Variants in COL14A1 observed in about 807,000 individuals in gnomAD.
COL14A1 encodes the protein collagen alpha-1(XIV) chain.
COL14A1 carries 136 observed loss-of-function variants against 230.3 expected under a neutral mutation model. The ratio of observed to expected loss-of-function variants is 0.59; its 90% CI spans 0.51 to 0.68. The LOEUF (loss-of-function observed/expected upper bound fraction) is 0.68. Ranked by LOEUF, COL14A1 falls within the 30% of genes least tolerant of loss-of-function variation. COL14A1 has a pLI of 0.00. For synonymous variants in COL14A1, 792 were observed against 784.1 expected (o/e 1.01, Z -0.17); for missense variants, 1,976 against 2,215.8 (o/e 0.89, Z 2.17).
chr8:120,350,918 A>T (rs1822738949), intron 45 of COL14A1, among the ~76,000 whole-genome samples: 1 of 150,514 alleles, frequency 6.6e-6, no homozygotes, highest in Non-Finnish European at 1.5e-5. Flanking sequence ...CTCCACCCCA[A>T]ATCAACAGAA....
chr8:120,168,128 T>A, intron 4 of COL14A1, 33 bp from the exon 5 acceptor site: 1 of 1,413,674 alleles, frequency 7.1e-7, no homozygotes, highest in East Asian at 2.3e-5. Context: ...GATTTTAGTA[T>A]AACATGGTGC....
At chr8:120,291,101 A>G (rs1027036883) in intron 34 of COL14A1, among the ~76,000 whole-genome samples, 3 of 152,182 alleles carry the variant, frequency 2.0e-5, no homozygotes, top group Admixed American at 6.5e-5. Context: ...GTGGCATTTC[A>G]TGATAATTAA....
At chr8:120,228,186 G>T (rs2130808559) in intron 17 of COL14A1, among the ~76,000 whole-genome samples, 1 of 152,280 alleles carries the variant, frequency 6.6e-6, no homozygotes, top group South Asian at 2.1e-4. Context: ...CTGTTGGCAG[G>T]CAGTGTTCCA....
chr8:120,246,365 G>A (rs1382126374), intron 20 of COL14A1, among the ~76,000 whole-genome samples: 1 of 152,162 alleles, frequency 6.6e-6, no homozygotes, highest in East Asian at 1.9e-4. Context: ...GAAAACAGAA[G>A]AGCAGAGCTA....
At chr8:120,298,638 T>TATATATATATAC (rs398009611) in intron 35 of COL14A1, among the ~76,000 whole-genome samples, 23 of 118,914 alleles carry the variant, frequency 1.9e-4, no homozygotes, top group Non-Finnish European at 3.0e-4. Flanking sequence ...TATATATATA[T>TATATATATATAC]ACAAAAATAC....
At chr8:120,132,768 T>A (rs1814573815) in intron 1 of COL14A1, among the ~76,000 whole-genome samples, 1 of 152,176 alleles carries the variant, frequency 6.6e-6, no homozygotes. Flanking sequence ...TTACTAAAAC[T>A]GATTTTTTAT....
intron 26 of COL14A1, among the ~76,000 whole-genome samples, chr8:120,273,823 C>G (rs1205923604): frequency 6.7e-6 from 1 of 148,674 alleles, no homozygotes; most frequent in Non-Finnish European, 1.5e-5. Flanking sequence ...AAAAAAGGCC[C>G]AGGGCCAGAT....
At chr8:120,280,485 A>C in intron 29 of COL14A1, among the ~76,000 whole-genome samples, 1 of 152,192 alleles carries the variant, frequency 6.6e-6, no homozygotes, top group East Asian at 1.9e-4. Flanking sequence ...ACTGATTTTA[A>C]TGAACCCAGG....
chr8:120,270,083 G>A lies in COL14A1; in HGVS notation c.3122G>A (p.Trp1041Ter). 1 of 1,611,528 alleles carries A rather than the reference G, an allele frequency of 6.2e-7. No homozygotes were observed. Among genetic ancestry groups the A allele is most frequent in the East Asian group, 2.2e-5 (1 of 44,818 alleles). The change falls in exon 26 of 48, where the codon TGG (tryptophan) becomes TAG (stop). Residue 1041 changes from tryptophan (W) to a stop codon, truncating the protein, a stop_gained. Transcript: ENST00000297848. LOFTEE classifies it high-confidence loss of function. ...ADLVFMVDGS[W>*]SIGDENFNKI... is the part of the protein sequence containing the mutation. ...CTGGTATTTATGGTGGATGGATCCT[G>A]GAGCATTGGAGATGAAAATTTCAAT...
intron 23 of COL14A1, among the ~76,000 whole-genome samples, chr8:120,257,118 C>A (rs191932175): frequency 1.8e-3 from 271 of 152,282 alleles, no homozygotes; most frequent in Non-Finnish European, 3.1e-3. Context: ...TCTAAAACCA[C>A]AATAAGCTCT....
intron 26 of COL14A1, among the ~76,000 whole-genome samples, chr8:120,272,159 T>C (rs1819687301): frequency 6.6e-6 from 1 of 151,686 alleles, no homozygotes; most frequent in Non-Finnish European, 1.5e-5. Context: ...TTAAACAAAA[T>C]AACTGTCAGC....
intron 4 of COL14A1, among the ~76,000 whole-genome samples, chr8:120,167,685 G>T (rs1563387): frequency 0.37 from 56,962 of 151,914 alleles, 10,918 homozygotes; most frequent in Admixed American, 0.49. Context: ...TCATCTTCTT[G>T]TTTTGCTGTT....
intron 26 of COL14A1, among the ~76,000 whole-genome samples, chr8:120,272,259 A>G (rs575743565): frequency 6.6e-6 from 1 of 151,928 alleles, no homozygotes; most frequent in African/African-American, 2.4e-5. Context: ...AGAATTTGTC[A>G]CTACCAGACC....
chr8:120,245,425 A>G (rs1028228663), intron 20 of COL14A1, among the ~76,000 whole-genome samples: 1 of 152,152 alleles, frequency 6.6e-6, no homozygotes, highest in African/African-American at 2.4e-5. Context: ...AGATGGATTG[A>G]CCATGTTCCT....
At chr8:120,199,140 C>G (rs1019248949) in intron 7 of COL14A1, among the ~76,000 whole-genome samples, 1 of 152,122 alleles carries the variant, frequency 6.6e-6, no homozygotes, top group Non-Finnish European at 1.5e-5. Flanking sequence ...CTATTATCAT[C>G]CATTGGCCAT....
At chr8:120,184,527 T>G (rs1201183318) in intron 5 of COL14A1, among the ~76,000 whole-genome samples, 1 of 152,094 alleles carries the variant, frequency 6.6e-6, no homozygotes, top group Non-Finnish European at 1.5e-5. Flanking sequence ...AGTGCTGGGA[T>G]TACAAACCAC....
chr8:120,277,819 A>G, intron 26 of COL14A1: 1 of 175,530 alleles, frequency 5.7e-6, no homozygotes, highest in Non-Finnish European at 1.2e-5. Context: ...TATGCTCACT[A>G]CCTGGGGGAC....
At chr8:120,212,351 G>T (rs1817636224) in intron 12 of COL14A1, 97 bp from the exon 13 acceptor site, 2 of 1,276,318 alleles carry the variant, frequency 1.6e-6, no homozygotes, top group East Asian at 4.9e-5. Flanking sequence ...AGGACGTAAA[G>T]TCTTATCCCA....
intron 5 of COL14A1, among the ~76,000 whole-genome samples, chr8:120,192,451 C>A (rs1816861364): frequency 1.3e-5 from 2 of 152,072 alleles, no homozygotes; most frequent in Non-Finnish European, 2.9e-5. Context: ...GTGGGTAACC[C>A]GACCTTTCTC....
Sources: allele counts gnomAD v4.1 joint callset (sites outside exome capture counted in the v4.1 genomes callset), GRCh38; gene constraint gnomAD v4.1.1; transcripts MANE v1.5; gene names NCBI Gene and HGNC (gene_info 2026-07-23, HGNC 2026-07-21).